AJAP1: variants seen among roughly 807,000 people sequenced by gnomAD.
The protein encoded by AJAP1 is adherens junction-associated protein 1.
In AJAP1, 5 loss-of-function variants were observed where a neutral mutation model predicts 35.0. The observed-to-expected ratio is 0.14, with a 90% CI of 0.07 to 0.30. The LOEUF is 0.30. Ranked by LOEUF, AJAP1 falls within the 10% of genes least tolerant of loss-of-function variation. The pLI is 1.00. For missense variants in AJAP1, 586 were observed against 571.0 expected, an observed-to-expected ratio of 1.03 and a Z score of -0.27; for synonymous variants, 284 against 249.3, an observed-to-expected ratio of 1.14 and a Z score of -1.31.
At chr1:4,729,479 G>A (rs933536854) in intron 2 of AJAP1, among the ~76,000 whole-genome samples, 6 of 152,178 alleles carry the variant, frequency 3.9e-5, no homozygotes, top group African/African-American at 1.4e-4. Context: ...TCACGGGGTG[G>A]GACTCTGCTG....
intron 3 of AJAP1, among the ~76,000 whole-genome samples, chr1:4,771,686 C>T (rs967359093): frequency 1.3e-5 from 2 of 152,310 alleles, no homozygotes; most frequent in Admixed American, 1.3e-4. Context: ...CCATAACAGG[C>T]AGGCACGCAG....
chr1:4,686,032 G>T (rs960111330), intron 1 of AJAP1, among the ~76,000 whole-genome samples: 40 of 152,314 alleles, frequency 2.6e-4, no homozygotes, highest in African/African-American at 8.7e-4. Context: ...CAAACTGCAG[G>T]CTTGAGGGCA....
Position 4,712,110 on chromosome 1 carries a change from C to A in AJAP1, c.240C>A (p.Ser80Arg). The change falls in exon 2 of 6, where the codon AGC (serine) becomes AGA (arginine). Residue 80 changes from serine to arginine, a missense_variant. Physicochemically the swap from Ser to Arg is moderately radical, Grantham distance 110 (BLOSUM62 -1). Coordinates refer to ENST00000378191, the MANE Select transcript of AJAP1 (RefSeq NM_018836.4). Reference protein sequence around the residue: ...QPARVPAPVWSPRPPRVERIH... With the variant: ...QPARVPAPVWRPRPPRVERIH... Reference sequence around the variant, plus strand: ...CGCGGGTCCCGGCCCCGGTGTGGAGCCCCCGGCCGCCCCGAGTGGAGCGGA... The same window carrying A: ...CGCGGGTCCCGGCCCCGGTGTGGAGACCCCGGCCGCCCCGAGTGGAGCGGA... 2 of 1,533,086 alleles carry A rather than the reference C, an allele frequency of 1.3e-6. No homozygotes were observed. The highest frequency in any genetic ancestry group is 1.2e-5 in the South Asian group (1 of 80,226). The allele number at this position is 1,533,086 out of a possible 1,614,324, so 95.0% of individuals were successfully genotyped here. A position where few individuals can be genotyped will look rare whatever the true frequency, so the allele number is the denominator to read the frequency against.
At position 4,681,548 on chromosome 1, in the gene AJAP1, C is replaced by T. The variant is rs113234839; in HGVS notation, c.29+26094C>T. 5.3e-5 allele frequency among the ~76,000 whole-genome samples: 8 copies of T among 152,344 alleles called. 1 individual carries two copies. Among genetic ancestry groups the T allele is most frequent in the African/African-American group, 1.4e-4 (6 of 41,572 alleles). ...GAAGGGCTAGGTTCTGGCCATATTC[C>T]GGGCATTTCTGCTTACCTTGTTCAG... On this transcript the variant is annotated intron_variant, in intron 1 of 5. Transcript: ENST00000378191.
chr1:4,742,625 T>C (rs746964841), intron 2 of AJAP1, among the ~76,000 whole-genome samples: 7 of 152,110 alleles, frequency 4.6e-5, no homozygotes, highest in Non-Finnish European at 1.0e-4. Flanking sequence ...TTTTTAACTA[T>C]AGTGTAAAAT....
chr1:4,792,464 C>CT lies in AJAP1; in HGVS notation c.*9982dup, dbSNP rs1345027630. The CT allele has an allele frequency of 7.1e-6, 1 of 141,028 alleles. No homozygotes were observed. Among genetic ancestry groups the CT allele is most frequent in the Non-Finnish European group, 1.5e-5 (1 of 66,542 alleles). The allele number at this position is 141,028 out of a possible 1,614,324, so 8.7% of individuals were successfully genotyped here. A position where few individuals can be genotyped will look rare whatever the true frequency, so the allele number is the denominator to read the frequency against. ...ATTGTAAATGAAACACCTATATTAA[C>CT]TTTCCTGTGTATATTTAGTACTCTG... On this transcript the variant is annotated 3_prime_UTR_variant, in exon 6 of 6. Coordinates refer to ENST00000378191, the MANE Select transcript of AJAP1 (RefSeq NM_018836.4).
Position 4,655,500 on chromosome 1 carries a change from C to A in AJAP1, c.29+46C>A. ...CGGGTGCGTGTGGGCGCGTGGGTGC[C>A]AGGCTGGGCGGAAGCGGCGCTTTCC... On this transcript the variant is annotated intron_variant, in intron 1 of 5. Transcript: ENST00000378191. This position sits in a 1 kb window ranked among gnomAD's most constrained non-coding sequence, Gnocchi z 6.9. The A allele has an allele frequency of 6.4e-7, 1 of 1,551,944 alleles. No homozygotes were observed. Among genetic ancestry groups the A allele is most frequent in the Non-Finnish European group, 8.7e-7 (1 of 1,147,114 alleles).
intron 1 of AJAP1, among the ~76,000 whole-genome samples, chr1:4,672,614 A>G (rs569534958): frequency 8.5e-5 from 13 of 152,240 alleles, no homozygotes; most frequent in African/African-American, 2.9e-4. Context: ...CTGCAAAGTC[A>G]CTTCCAGGGA....
In AJAP1 at chr1:4,772,492, C is replaced by G. The variant is rs202026791; in HGVS notation, c.1130C>G (p.Thr377Arg). ...VYTDETLHSTTGEYKSTFNGN... is the reference protein window; with the variant it reads ...VYTDETLHSTRGEYKSTFNGN... ...ACCGATGAGACGCTGCACTCGACGACGGGGGAGTACAAATCCACATTTAAT... is the reference window on the plus strand; with the variant it reads ...ACCGATGAGACGCTGCACTCGACGAGGGGGGAGTACAAATCCACATTTAAT... The change falls in exon 4 of 6, where the codon ACG (threonine) becomes AGG (arginine). Residue 377 changes from threonine to arginine, a missense_variant. Transcript: ENST00000378191. The G allele has an allele frequency of 6.2e-7, 1 of 1,614,182 alleles. No individual in the cohort carries two copies. The highest frequency in any genetic ancestry group is 1.7e-5 in the Admixed American group (1 of 60,022).
chr1:4,716,567 T>G (rs971004710), intron 2 of AJAP1, among the ~76,000 whole-genome samples: 1 of 151,812 alleles, frequency 6.6e-6, no homozygotes, highest in Middle Eastern at 3.2e-3. Context: ...AGGATGATGA[T>G]GATGGAGATG....
chr1:4,783,604 T>G lies in AJAP1; in HGVS notation c.*1119T>G, dbSNP rs1472310742. On this transcript the variant is annotated 3_prime_UTR_variant, in exon 6 of 6. Coordinates refer to ENST00000378191, the MANE Select transcript of AJAP1 (RefSeq NM_018836.4). ...ATACACATATGCATACATATGATTT[T>G]TTTTTTTCATTTAAGTGTTGGAAGA... is the stretch of plus-strand genomic sequence containing the variant. 6.7e-6 allele frequency: 1 copy of G among 149,924 alleles called. No individual in the cohort carries two copies. Among genetic ancestry groups the G allele is most frequent in the Non-Finnish European group, 1.5e-5 (1 of 67,668 alleles). The allele number at this position is 149,924 out of a possible 1,614,324, so 9.3% of individuals were successfully genotyped here.
At chr1:4,658,614 C>T (rs1265834513) in intron 1 of AJAP1, among the ~76,000 whole-genome samples, 1 of 152,238 alleles carries the variant, frequency 6.6e-6, no homozygotes, top group Non-Finnish European at 1.5e-5. Flanking sequence ...GACTAAACTG[C>T]AAATTTAGGA....
intron 1 of AJAP1, among the ~76,000 whole-genome samples, chr1:4,711,688 C>T (rs1026751950): frequency 6.6e-6 from 1 of 152,226 alleles, no homozygotes; most frequent in Non-Finnish European, 1.5e-5. Flanking sequence ...CAGCTCCCCG[C>T]ACCCTCGCAG....
At chr1:4,717,366 G>C (rs1420475013) in intron 2 of AJAP1, among the ~76,000 whole-genome samples, 1 of 152,282 alleles carries the variant, frequency 6.6e-6, no homozygotes, top group Admixed American at 6.5e-5. Context: ...AGGCCAATCC[G>C]CTGCTTTCCC....
At chr1:4,662,685 C>A (rs747701527) in intron 1 of AJAP1, among the ~76,000 whole-genome samples, 2 of 152,216 alleles carry the variant, frequency 1.3e-5, no homozygotes, top group Non-Finnish European at 2.9e-5. Context: ...GGGCTAGGCG[C>A]CCGTGGTCCA....
At chr1:4,681,165 TTATTTCAGA>T (rs1423672355) in intron 1 of AJAP1, among the ~76,000 whole-genome samples, 1 of 152,222 alleles carries the variant, frequency 6.6e-6, no homozygotes, top group Admixed American at 6.5e-5. Context: ...ACATCAAGTG[TTATTTCAGA>T]CAGTTTGATG....
At chr1:4,707,899 C>T (rs1640134830) in intron 1 of AJAP1, among the ~76,000 whole-genome samples, 1 of 151,160 alleles carries the variant, frequency 6.6e-6, no homozygotes, top group Non-Finnish European at 1.5e-5. Context: ...GTGTCCTCGC[C>T]AGCACTTCAT....
At chr1:4,780,278 A>G (rs1202882921) in intron 5 of AJAP1, among the ~76,000 whole-genome samples, 2 of 150,874 alleles carry the variant, frequency 1.3e-5, no homozygotes, top group African/African-American at 4.9e-5. Context: ...AAAACTCCGC[A>G]CCCACTCAAC....
intron 2 of AJAP1, among the ~76,000 whole-genome samples, chr1:4,755,097 C>T (rs1418369333): frequency 6.6e-6 from 1 of 152,162 alleles, no homozygotes; most frequent in Non-Finnish European, 1.5e-5. Context: ...GTGGCACTGC[C>T]CACTCCTGTC....
Sources: gnomAD v4.1 joint callset for allele counts (sites outside exome capture counted in the v4.1 genomes callset) on GRCh38, gnomAD v4.1.1 for gene constraint, Gnocchi (gnomAD v3.1) non-coding constraint, MANE v1.5 for transcripts, NCBI Gene and HGNC (gene_info 2026-07-23, HGNC 2026-07-21) for gene names.